The following WDFY4 variants were observed in gnomAD, a reference collection of about 807,000 sequenced individuals.
WDFY4 encodes WD repeat- and FYVE domain-containing protein 4.
Under a neutral mutation model 351.9 loss-of-function variants are expected in WDFY4, and 169 were observed. The ratio of observed to expected loss-of-function variants is 0.48; its 90% CI spans 0.42 to 0.55. The LOEUF (loss-of-function observed/expected upper bound fraction) is 0.55, where lower values mean the gene tolerates loss of function less well. Ranked by LOEUF, WDFY4 falls within the 20% of genes least tolerant of loss-of-function variation. The pLI is 0.00. For missense variants in WDFY4, 3,803 were observed against 3,935.6 expected (o/e 0.97, Z 0.90); for synonymous variants, 1,622 against 1,574.6 (o/e 1.03, Z -0.71).
Position 48,972,371 on chromosome 10 carries a change from A to G in WDFY4, c.8928+2082A>G, listed in dbSNP as rs117871952. Among the ~76,000 whole-genome samples the G allele has an allele frequency of 3.8e-3, 585 of 152,362 alleles. 5 individuals are homozygous for G. The highest frequency in any genetic ancestry group is 5.6e-3 in the Non-Finnish European group (378 of 68,028). On this transcript the variant is annotated intron_variant, in intron 57 of 61. Coordinates refer to ENST00000325239, the MANE Select transcript of WDFY4 (RefSeq NM_001394531.1). ...ACAAACAATTCTCTACCATCCCTAT[A>G]AAAGTTTTCAATTTTGCATACTCTT...
At chr10:48,896,863 G>C (rs749569000) in intron 44 of WDFY4, among the ~76,000 whole-genome samples, 2 of 152,144 alleles carry the variant, frequency 1.3e-5, no homozygotes, top group Non-Finnish European at 2.9e-5. Flanking sequence ...AGCCCTGCCA[G>C]GGAAAGAGGT....
chr10:48,754,338 C>G (rs1037112146), intron 12 of WDFY4, among the ~76,000 whole-genome samples: 13 of 151,230 alleles, frequency 8.6e-5, no homozygotes, highest in East Asian at 1.9e-4. Flanking sequence ...TACTTCAGGG[C>G]TTTTGCAATG....
intron 47 of WDFY4, among the ~76,000 whole-genome samples, chr10:48,930,805 TC>T (rs1439371289): frequency 6.6e-6 from 1 of 152,082 alleles, no homozygotes; most frequent in Non-Finnish European, 1.5e-5. Context: ...AAAAATTATT[TC>T]CCAAAAATGT....
intron 12 of WDFY4, among the ~76,000 whole-genome samples, chr10:48,746,988 C>A (rs778117085): frequency 2.0e-5 from 3 of 152,160 alleles, no homozygotes; most frequent in Non-Finnish European, 2.9e-5. Flanking sequence ...TTTTGCATCT[C>A]TATCCTTCCA....
intron 5 of WDFY4, among the ~76,000 whole-genome samples, chr10:48,725,121 G>A (rs1396122319): frequency 6.6e-6 from 1 of 152,196 alleles, no homozygotes; most frequent in African/African-American, 2.4e-5. Flanking sequence ...CATGGCCACA[G>A]CTACCTGCAA....
At chr10:48,893,631 G>A (rs142313702) in intron 44 of WDFY4, among the ~76,000 whole-genome samples, 219 of 152,336 alleles carry the variant, frequency 1.4e-3, no homozygotes, top group Admixed American at 2.4e-3. Flanking sequence ...GAGTGAATTA[G>A]ATGTGGACTA....
chr10:48,974,111 G>A (rs1842447838), intron 57 of WDFY4, among the ~76,000 whole-genome samples: 1 of 152,186 alleles, frequency 6.6e-6, no homozygotes, highest in Non-Finnish European at 1.5e-5. Flanking sequence ...GAGATTTGGA[G>A]TGGAACCCAA....
intron 12 of WDFY4, among the ~76,000 whole-genome samples, chr10:48,752,513 C>A (rs1243128494): frequency 6.6e-6 from 1 of 152,070 alleles, no homozygotes; most frequent in East Asian, 1.9e-4. Flanking sequence ...ACTTTTATCA[C>A]CCCAAAAGGA....
intron 39 of WDFY4, among the ~76,000 whole-genome samples, chr10:48,847,364 G>A (rs1279189410): frequency 6.6e-6 from 1 of 152,120 alleles, no homozygotes; most frequent in Non-Finnish European, 1.5e-5. Flanking sequence ...TAGGGGTTAG[G>A]GCTTCAACAT....
At chr10:48,977,983 G>A (rs1842647930) in intron 59 of WDFY4, among the ~76,000 whole-genome samples, 1 of 152,180 alleles carries the variant, frequency 6.6e-6, no homozygotes, top group Admixed American at 6.5e-5. Context: ...GGGCAAGAGG[G>A]CATTGGTTGA....
chr10:48,721,303 G>A lies in WDFY4; in HGVS notation c.392G>A (p.Gly131Glu), dbSNP rs2064080574. 6.4e-7 allele frequency: 1 copy of A among 1,551,648 alleles called. No homozygotes were observed. Among genetic ancestry groups the A allele is most frequent in the Admixed American group, 2.0e-5 (1 of 50,994 alleles). The change falls in exon 4 of 62, where the codon GGG becomes GAG. Residue 131 changes from glycine to glutamate, a missense_variant. By Grantham distance (98) the Gly-to-Glu change is moderately conservative. This residue lies in a region of WDFY4 where 488 missense variants were observed against 456.8 expected (regional missense o/e 1.07). Coordinates refer to ENST00000325239, the MANE Select transcript of WDFY4 (RefSeq NM_001394531.1). ...GCTGGACAGTTGCTGTGGTGGAAGG[G>A]GGACGTGGATCAGGATGGCTACTTG... The part of the protein sequence containing the change: ...LAAGQLLWWK[G>E]DVDQDGYLLL...
chr10:48,824,809 T>A (rs2067940844), intron 35 of WDFY4, among the ~76,000 whole-genome samples: 1 of 152,168 alleles, frequency 6.6e-6, no homozygotes, highest in Non-Finnish European at 1.5e-5. Flanking sequence ...TGGATAAATT[T>A]TTTTTTAACT....
intron 40 of WDFY4, among the ~76,000 whole-genome samples, chr10:48,867,911 T>TA (rs550037491): frequency 7.6e-4 from 115 of 152,256 alleles, no homozygotes; most frequent in Non-Finnish European, 1.3e-3. Flanking sequence ...GTGTGAAGTA[T>TA]AAAAAAATGC....
intron 47 of WDFY4, among the ~76,000 whole-genome samples, chr10:48,925,873 C>T (rs773546440): frequency 9.2e-5 from 14 of 152,080 alleles, no homozygotes; most frequent in Non-Finnish European, 1.9e-4. Flanking sequence ...TGCTGCTGGG[C>T]CCTTCATGTA....
Position 48,805,425 on chromosome 10 carries a change from C to T in WDFY4, c.4646+4C>T. 6.5e-7 allele frequency: 1 copy of T among 1,547,264 alleles called. No individual in the cohort carries two copies. Among genetic ancestry groups the T allele is most frequent in the Non-Finnish European group, 8.7e-7 (1 of 1,146,936 alleles). ...TCAGCACCCAGGACTTGCTCAGGTA[C>T]CACACCAAGCTGCCCAGGGGGAAGA... On this transcript the variant is annotated splice_donor_region_variant and intron_variant, in intron 26 of 61. Transcript: ENST00000325239.
intron 40 of WDFY4, among the ~76,000 whole-genome samples, chr10:48,868,998 G>A (rs1156769148): frequency 1.3e-5 from 2 of 152,258 alleles, no homozygotes; most frequent in Non-Finnish European, 2.9e-5. Context: ...AGAAAGTTGT[G>A]CAATTTTCCT....
intron 39 of WDFY4, among the ~76,000 whole-genome samples, chr10:48,843,938 A>G (rs981742560): frequency 6.6e-6 from 1 of 152,272 alleles, no homozygotes; most frequent in Non-Finnish European, 1.5e-5. Context: ...TTCAAAAGAC[A>G]GAAGTGTCCC....
intron 52 of WDFY4, among the ~76,000 whole-genome samples, chr10:48,958,793 C>T (rs893655892): frequency 6.6e-6 from 1 of 152,130 alleles, no homozygotes; most frequent in Non-Finnish European, 1.5e-5. Flanking sequence ...TTGAGGATGA[C>T]TCAGCAAGAC....
At chr10:48,742,455 G>A (rs1189822984) in intron 11 of WDFY4, among the ~76,000 whole-genome samples, 3 of 152,180 alleles carry the variant, frequency 2.0e-5, no homozygotes, top group Non-Finnish European at 4.4e-5. Flanking sequence ...GGATTTCACT[G>A]TGTGTCTCCT....
Sources: allele counts gnomAD v4.1 joint callset (sites outside exome capture counted in the v4.1 genomes callset), GRCh38; gene constraint gnomAD v4.1.1; regional missense constraint gnomAD v4.1.1; transcripts MANE v1.5; gene names NCBI Gene and HGNC (gene_info 2026-07-23, HGNC 2026-07-21).